The following TGIF2 variants were observed in gnomAD, a reference collection of about 807,000 sequenced individuals.
TGIF2 encodes TGFB induced factor homeobox 2.
In TGIF2, 5 loss-of-function variants were observed where a neutral mutation model predicts 15.1. The observed-to-expected ratio is 0.33, with a 90% CI of 0.17 to 0.70. The LOEUF is 0.70. Among genes scored for constraint, TGIF2 ranks in the 30% least tolerant of loss-of-function variants. The pLI is 0.67. For missense variants in TGIF2, 264 were observed against 302.5 expected, an observed-to-expected ratio of 0.87 and a Z score of 0.94; for synonymous variants, 131 against 128.9, an observed-to-expected ratio of 1.02 and a Z score of -0.11.
At chr20:36,584,961 C>A (rs1043533065) in intron 2 of TGIF2, among the ~76,000 whole-genome samples, 15 of 152,124 alleles carry the variant, frequency 9.9e-5, no homozygotes, top group Non-Finnish European at 2.2e-4. Flanking sequence ...CTTTGGGAGG[C>A]CGAGGCAAAC....
chr20:36,575,550 G>A (rs997067950), intron 1 of TGIF2, among the ~76,000 whole-genome samples: 7 of 152,336 alleles, frequency 4.6e-5, no homozygotes, highest in Admixed American at 1.3e-4. Flanking sequence ...CTGCAGTGGT[G>A]CTCTCTGAGG....
intron 1 of TGIF2, among the ~76,000 whole-genome samples, chr20:36,574,197 C>CG (rs1457751409): frequency 1.3e-5 from 2 of 151,650 alleles, no homozygotes; most frequent in African/African-American, 2.4e-5. Context: ...GGGCCCGGAG[C>CG]GGGGGGGCCC....
intron 1 of TGIF2, among the ~76,000 whole-genome samples, chr20:36,576,807 C>T (rs893452247): frequency 2.0e-5 from 3 of 151,984 alleles, no homozygotes; most frequent in Admixed American, 1.3e-4. Context: ...CGGGCTCAAG[C>T]GATTCTTCCA....
rs187660553 is a variant in TGIF2, at chr20:36,593,933, T to G, written c.*2502T>G. 30 of 152,762 alleles carry G rather than the reference T, an allele frequency of 2.0e-4. No homozygotes were observed. The highest frequency in any genetic ancestry group is 6.3e-4 in the African/African-American group (26 of 41,584). The allele number at this position is 152,762 out of a possible 1,614,324, so 9.5% of individuals were successfully genotyped here. A position where few individuals can be genotyped will look rare whatever the true frequency, so the allele number is the denominator to read the frequency against. Reference sequence around the variant, plus strand: ...TCTTTTGTCAAATAAAATTTTTTTTTGTTTTTTTAAGCAGAAACAGGGTTC... The same window carrying G: ...TCTTTTGTCAAATAAAATTTTTTTTGGTTTTTTTAAGCAGAAACAGGGTTC... On this transcript the variant is annotated 3_prime_UTR_variant, in exon 3 of 3. Coordinates refer to ENST00000373872, the MANE Select transcript of TGIF2 (RefSeq NM_021809.7).
chr20:36,589,079 T>C (rs1423747830), intron 2 of TGIF2, among the ~76,000 whole-genome samples: 1 of 152,242 alleles, frequency 6.6e-6, no homozygotes, highest in East Asian at 1.9e-4. Flanking sequence ...CTTAGCTTTC[T>C]GTATGGCTAG....
intron 1 of TGIF2, among the ~76,000 whole-genome samples, chr20:36,576,127 C>T (rs999209804): frequency 6.6e-6 from 1 of 151,592 alleles, no homozygotes. Context: ...GAAAGAAAAT[C>T]TTTGTTGCAC....
At chr20:36,581,551 G>A (rs1017378524) in intron 2 of TGIF2, among the ~76,000 whole-genome samples, 15 of 152,148 alleles carry the variant, frequency 9.9e-5, no homozygotes, top group African/African-American at 3.6e-4. Context: ...CAAACCACTT[G>A]TCACACTCTA....
At chr20:36,580,538 A>T (rs1346681163) in intron 2 of TGIF2, among the ~76,000 whole-genome samples, 2 of 152,042 alleles carry the variant, frequency 1.3e-5, no homozygotes, top group African/African-American at 4.8e-5. Flanking sequence ...GGGGCCCTTC[A>T]CAGTGGCTCA....
At chr20:36,581,809 A>G (rs1317310144) in intron 2 of TGIF2, among the ~76,000 whole-genome samples, 2 of 152,096 alleles carry the variant, frequency 1.3e-5, no homozygotes, top group African/African-American at 2.4e-5. Context: ...TTGTATTTTA[A>G]GTAGAGACAG....
In TGIF2 at chr20:36,591,368, G is replaced by C. The variant is rs377713562; in HGVS notation, c.651G>C (p.Gln217His). 6.2e-7 allele frequency: 1 copy of C among 1,614,214 alleles called. No homozygotes were observed. Among genetic ancestry groups the C allele is most frequent in the Non-Finnish European group, 8.5e-7 (1 of 1,180,032 alleles). ...QRAAEMELQK[Q>H]QDPSLPLLHT... ...CTGCTGAGATGGAGCTTCAGAAGCA[G>C]CAGGACCCATCACTCCCATTACTGC... Residue 217 changes from glutamine to histidine, a missense_variant, in exon 3 of 3, where the codon CAG becomes CAC. Gln to His is a conservative substitution (Grantham distance 24). Coordinates refer to ENST00000373872, the MANE Select transcript of TGIF2 (RefSeq NM_021809.7). This position sits in a 1 kb window ranked among gnomAD's most constrained non-coding sequence, Gnocchi z 5.3.
chr20:36,590,002 T>C (rs1025641946), intron 2 of TGIF2, among the ~76,000 whole-genome samples: 5 of 152,162 alleles, frequency 3.3e-5, no homozygotes, highest in African/African-American at 1.2e-4. Context: ...CTCTCCAGGC[T>C]GGAGTGCACT....
Position 36,590,976 on chromosome 20 carries a change from G to A in TGIF2, c.259G>A (p.Asp87Asn). 1 of 1,553,214 alleles carries A rather than the reference G, an allele frequency of 6.4e-7. No homozygotes were observed. The highest frequency in any genetic ancestry group is 1.2e-5 in the South Asian group (1 of 84,156). Residue 87 changes from aspartate to asparagine, a missense_variant, in exon 3 of 3, where the codon GAC (aspartate) becomes AAC (asparagine). Asp to Asn is a conservative substitution (Grantham distance 23). Transcript: ENST00000373872. The stretch of plus-strand genomic sequence containing the variant: ...AGACATGCTTCGGAAGGATGGCAAA[G>A]ACCCTAATCAGTTTACCATTTCCCG... The part of the protein sequence containing the change: ...LPDMLRKDGK[D>N]PNQFTISRRG...
At chr20:36,576,129 T>G (rs914251356) in intron 1 of TGIF2, among the ~76,000 whole-genome samples, 3 of 151,862 alleles carry the variant, frequency 2.0e-5, no homozygotes, top group Admixed American at 1.3e-4. Context: ...AAGAAAATCT[T>G]TGTTGCACGT....
At chr20:36,587,203 C>G (rs1046961134) in intron 2 of TGIF2, among the ~76,000 whole-genome samples, 10 of 152,224 alleles carry the variant, frequency 6.6e-5, no homozygotes, top group African/African-American at 2.4e-4. Context: ...CCCAGCCCCT[C>G]AGCTGTGCAT....
At chr20:36,583,291 A>G (rs2038582441) in intron 2 of TGIF2, among the ~76,000 whole-genome samples, 1 of 150,316 alleles carries the variant, frequency 6.7e-6, no homozygotes, top group Non-Finnish European at 1.5e-5. Context: ...ACAAACAAAC[A>G]AACAAAAAAA....
At position 36,592,085 on chromosome 20, in the gene TGIF2, G is replaced by C. The variant is rs2038777988; in HGVS notation, c.*654G>C. On this transcript the variant is annotated 3_prime_UTR_variant, in exon 3 of 3. Transcript: ENST00000373872. ...TGGAAGAAAGGAATATTTTTATCTT[G>C]GGGACCAGCTAAGTCTCTGCAGTAG... 1 of 152,398 alleles carries C rather than the reference G, an allele frequency of 6.6e-6. No individual in the cohort carries two copies. The highest frequency in any genetic ancestry group is 1.5e-5 in the Non-Finnish European group (1 of 68,020). The allele number at this position is 152,398 out of a possible 1,614,324, so 9.4% of individuals were successfully genotyped here.
chr20:36,589,722 G>A (rs746352201), intron 2 of TGIF2, among the ~76,000 whole-genome samples: 16 of 151,690 alleles, frequency 1.1e-4, no homozygotes, highest in Non-Finnish European at 2.4e-4. Flanking sequence ...AAGGTCTCAC[G>A]CTGTCACCCA....
intron 1 of TGIF2, chr20:36,574,484 C>T (rs1198404368): frequency 6.6e-6 from 1 of 151,472 alleles, no homozygotes. Context: ...GCCCCCTCCC[C>T]TCCCTTCCCC....
chr20:36,583,014 G>A (rs533985083), intron 2 of TGIF2, among the ~76,000 whole-genome samples: 1 of 152,234 alleles, frequency 6.6e-6, no homozygotes, highest in East Asian at 1.9e-4. Context: ...GGTGGTTCGT[G>A]CCTGTAATTC....
Sources: gnomAD v4.1 joint callset for allele counts (sites outside exome capture counted in the v4.1 genomes callset) on GRCh38, gnomAD v4.1.1 for gene constraint, Gnocchi (gnomAD v3.1) non-coding constraint, MANE v1.5 for transcripts, NCBI Gene and HGNC (gene_info 2026-07-23, HGNC 2026-07-21) for gene names.